The following MR1 variants were observed in gnomAD, a reference collection of about 807,000 sequenced individuals.
MR1 encodes the protein major histocompatibility complex class I-related protein 1.
In MR1, 44 loss-of-function variants were observed where a neutral mutation model predicts 37.8. The observed-to-expected ratio is 1.16, with a 90% CI of 0.91 to 1.50. The LOEUF is 1.50. MR1 is among the 40% of genes most tolerant of loss of function. MR1 has a pLI of 0.00. For synonymous variants in MR1, 153 were observed against 155.8 expected, an observed-to-expected ratio of 0.98 and a Z score of 0.13; for missense variants, 386 against 419.1, an observed-to-expected ratio of 0.92 and a Z score of 0.69.
At chr1:181,047,424 C>T (rs1455655181) in intron 1 of MR1, among the ~76,000 whole-genome samples, 2 of 151,882 alleles carry the variant, frequency 1.3e-5, no homozygotes, top group East Asian at 3.9e-4. Flanking sequence ...CATGGCAAAA[C>T]CCTGTTTTTA....
chr1:181,053,702 AG>A, intron 5 of MR1, 25 bp downstream of exon 5: 2 of 1,488,068 alleles, frequency 1.3e-6, no homozygotes, highest in Non-Finnish European at 1.9e-6. Flanking sequence ...GAAGGGATCC[AG>A]GGGGCTGCAG....
intron 1 of MR1, among the ~76,000 whole-genome samples, chr1:181,044,690 G>T (rs996494274): frequency 1.3e-5 from 2 of 152,186 alleles, no homozygotes; most frequent in Non-Finnish European, 2.9e-5. Context: ...CAACAAACTC[G>T]CACTTTGGCC....
At chr1:181,043,828 C>A (rs180679486) in intron 1 of MR1, among the ~76,000 whole-genome samples, 2 of 151,944 alleles carry the variant, frequency 1.3e-5, no homozygotes, top group East Asian at 3.9e-4. Flanking sequence ...TTGGGGTGGT[C>A]AGTTCTGAAA....
At chr1:181,049,497 C>A in intron 2 of MR1, 185 bp downstream of exon 2, 1 of 670,964 alleles carries the variant, frequency 1.5e-6, no homozygotes, top group Non-Finnish European at 2.5e-6. Context: ...GTCCCTCTCT[C>A]CCCCAGGAGC....
rs182702355 is a variant in MR1, at chr1:181,052,886, G to A, written c.880+376G>A. 4.6e-5 allele frequency among the ~76,000 whole-genome samples: 7 copies of A among 151,002 alleles called. No individual in the cohort carries two copies. The East Asian group carries it at 1.4e-3, about 30-fold the overall frequency. On this transcript the variant is annotated intron_variant, in intron 4 of 5. Transcript: ENST00000367580. The stretch of plus-strand genomic sequence containing the variant: ...GTTCGAGACCAGCCTGGCCAACATG[G>A]TGAAACCCCATCTCTACTAAAAATA...
rs532816915 is a variant in MR1, at chr1:181,059,576, T to C, written c.*4311T>C. The C allele has an allele frequency of 1.3e-5, 2 of 152,610 alleles. No homozygotes were observed. Among genetic ancestry groups the C allele is most frequent in the African/African-American group, 2.4e-5 (1 of 41,550 alleles). The allele number at this position is 152,610 out of a possible 1,614,324, so 9.5% of individuals were successfully genotyped here. ...CCAGGCATCAGCTACATCTCCTCCA[T>C]GTAGTCTCAGGAACTCTCCATGTAA... On this transcript the variant is annotated 3_prime_UTR_variant, in exon 6 of 6. Transcript: ENST00000367580.
At chr1:181,038,871 C>G (rs11589765) in intron 1 of MR1, among the ~76,000 whole-genome samples, 2 of 151,692 alleles carry the variant, frequency 1.3e-5, no homozygotes, top group South Asian at 4.1e-4. Context: ...TGGCGTGATC[C>G]CGGCTCACTA....
rs1242658160 is a variant in MR1 at position 181,055,239 on chromosome 1, A to G, written c.1000A>G (p.Ile334Val). ...TTTCCTTTCAGAGCAAAATGGAGCC[A>G]TCTACCTTCCAACACCAGATCGATG... ...RRRPREQNGA[I>V]YLPTPDR Residue 334 changes from isoleucine (I) to valine (V), a missense_variant, in exon 6 of 6, where the codon ATC becomes GTC. By Grantham distance (29) the Ile-to-Val change is conservative. Transcript: ENST00000367580. 5.6e-6 allele frequency: 9 copies of G among 1,613,664 alleles called. No individual in the cohort carries two copies. The highest frequency in any genetic ancestry group is 7.6e-6 in the Non-Finnish European group (9 of 1,179,680).
intron 3 of MR1, among the ~76,000 whole-genome samples, chr1:181,051,460 T>C (rs1241941984): frequency 1.3e-5 from 2 of 152,080 alleles, no homozygotes; most frequent in African/African-American, 2.4e-5. Flanking sequence ...CTCTTCTCCG[T>C]ATTGGGTTGG....
chr1:181,059,489 C>A lies in MR1; in HGVS notation c.*4224C>A, dbSNP rs1658802881. 2.0e-5 allele frequency: 3 copies of A among 152,308 alleles called. No homozygotes were observed. The highest frequency in any genetic ancestry group is 2.9e-5 in the Non-Finnish European group (2 of 68,122). 9.4% of individuals were successfully genotyped at this position (152,308 alleles called of 1,614,324 possible). A position where few individuals can be genotyped will look rare whatever the true frequency, so the allele number is the denominator to read the frequency against. ...ATATGGCTTGGGTAAGCAGTTCTGG[C>A]TTCTCATGGAGTTGGAGGCAAGTGG... On this transcript the variant is annotated 3_prime_UTR_variant, in exon 6 of 6. Coordinates refer to ENST00000367580, the MANE Select transcript of MR1 (RefSeq NM_001385161.1).
chr1:181,035,828 G>C (rs1304500635), intron 1 of MR1, among the ~76,000 whole-genome samples: 1 of 152,140 alleles, frequency 6.6e-6, no homozygotes, highest in South Asian at 2.1e-4. Flanking sequence ...GCTCCTTTGG[G>C]TGTGAAGACT....
chr1:181,049,776 C>T (rs769308641), intron 2 of MR1: 9 of 564,292 alleles, frequency 1.6e-5, no homozygotes, highest in Non-Finnish European at 2.5e-5. Context: ...CAGGATAACT[C>T]CCCAAGGCGG....
rs1157541957 is a variant in MR1, at chr1:181,050,012, G to A, written c.330G>A (p.Gly110=). 2 of 1,612,042 alleles carry A rather than the reference G, an allele frequency of 1.2e-6. No individual in the cohort carries two copies. The highest frequency in any genetic ancestry group is 2.2e-5 in the East Asian group (1 of 44,884). ...KRLQRHYNHS[G]SHTYQRMIGC... Reference sequence around the variant, plus strand: ...TCTGGGCTTCTGTGTGTGTTCCAGGGTCTCACACTTACCAGAGAATGATTG... The same window carrying A: ...TCTGGGCTTCTGTGTGTGTTCCAGGATCTCACACTTACCAGAGAATGATTG... The change falls in exon 3 of 6, where the codon GGG becomes GGA. Residue 110 remains glycine, a splice_region_variant and synonymous_variant. Transcript: ENST00000367580.
upstream of MR1, chr1:181,033,848 G>T: frequency 1.7e-6 from 1 of 576,456 alleles, no homozygotes; most frequent in Admixed American, 3.6e-5. Flanking sequence ...ACCGAAGAAG[G>T]TGTTCATGCT....
chr1:181,035,046 A>T (rs942351897), intron 1 of MR1, among the ~76,000 whole-genome samples: 1 of 152,142 alleles, frequency 6.6e-6, no homozygotes, highest in Non-Finnish European at 1.5e-5. Context: ...CACACCTGTA[A>T]TCCTAGCACG....
chr1:181,054,855 C>A (rs1658523870), intron 5 of MR1, among the ~76,000 whole-genome samples: 1 of 151,930 alleles, frequency 6.6e-6, no homozygotes, highest in Non-Finnish European at 1.5e-5. Flanking sequence ...GAGCGAGACT[C>A]TGTCTCAAAA....
At chr1:181,053,775 T>A in intron 5 of MR1, 98 bp downstream of exon 5, 1 of 890,024 alleles carries the variant, frequency 1.1e-6, no homozygotes, top group Non-Finnish European at 1.8e-6. Flanking sequence ...CATTCAGAAA[T>A]GGCTTGGCTC....
intron 1 of MR1, among the ~76,000 whole-genome samples, chr1:181,035,159 G>A (rs955724872): frequency 4.0e-5 from 6 of 151,528 alleles, no homozygotes; most frequent in African/African-American, 7.3e-5. Flanking sequence ...AAATTAGCTC[G>A]GCACACCCAT....
At chr1:181,035,268 C>T (rs1231970680) in intron 1 of MR1, among the ~76,000 whole-genome samples, 2 of 151,582 alleles carry the variant, frequency 1.3e-5, no homozygotes, top group Non-Finnish European at 2.9e-5. Flanking sequence ...ACCCAGGAGG[C>T]GGAGGTTGCA....
Sources: gnomAD v4.1 joint callset for allele counts (sites outside exome capture counted in the v4.1 genomes callset) on GRCh38, gnomAD v4.1.1 for gene constraint, MANE v1.5 for transcripts, NCBI Gene and HGNC (gene_info 2026-07-23, HGNC 2026-07-21) for gene names.